FSIP1: variants seen among roughly 807,000 people sequenced by gnomAD.
FSIP1 encodes the protein fibrous sheath-interacting protein 1.
Under a neutral mutation model 60.9 loss-of-function variants are expected in FSIP1, and 65 were observed. That is an observed-to-expected ratio of 1.07 (90% CI 0.87 to 1.31). The LOEUF is 1.31. Among genes scored for constraint, FSIP1 ranks in the 40% most tolerant of loss-of-function variants. FSIP1 has a pLI of 0.00. For missense variants in FSIP1, 675 were observed against 665.5 expected (o/e 1.01, Z -0.16); for synonymous variants, 209 against 221.2 (o/e 0.94, Z 0.49).
At chr15:39,710,294 G>GA (rs1895444763) in intron 10 of FSIP1, among the ~76,000 whole-genome samples, 1 of 151,928 alleles carries the variant, frequency 6.6e-6, no homozygotes, top group African/African-American at 2.4e-5. Context: ...ACAAGCCTGG[G>GA]AAACAAGGCA....
intron 10 of FSIP1, among the ~76,000 whole-genome samples, chr15:39,689,069 C>T (rs1894495560): frequency 6.6e-6 from 1 of 152,132 alleles, no homozygotes; most frequent in Admixed American, 6.5e-5. Flanking sequence ...CAGAGGTTCC[C>T]ATGATCCACT....
chr15:39,648,500 GA>G (rs1892725258), intron 10 of FSIP1, among the ~76,000 whole-genome samples: 1 of 152,186 alleles, frequency 6.6e-6, no homozygotes, highest in Non-Finnish European at 1.5e-5. Flanking sequence ...CCGTGGTTGG[GA>G]ACCACTGACA....
chr15:39,710,924 T>C (rs1895481597), intron 10 of FSIP1, among the ~76,000 whole-genome samples: 1 of 152,252 alleles, frequency 6.6e-6, no homozygotes, highest in Non-Finnish European at 1.5e-5. Flanking sequence ...GTATTATTCT[T>C]TTCCACTTGG....
At chr15:39,770,305 TGG>T in intron 3 of FSIP1, 120 bp downstream of exon 3, 1 of 634,348 alleles carries the variant, frequency 1.6e-6, no homozygotes, top group Non-Finnish European at 2.4e-6. Context: ...GTCTTTTTTT[TGG>T]TTTATTATTT....
At chr15:39,624,336 C>G (rs982895219) in intron 10 of FSIP1, among the ~76,000 whole-genome samples, 3 of 152,326 alleles carry the variant, frequency 2.0e-5, no homozygotes, top group African/African-American at 7.2e-5. Context: ...CCAAACTTCA[C>G]TGATCTCATT....
chr15:39,781,064 G>A (rs563159723), intron 1 of FSIP1, among the ~76,000 whole-genome samples: 1 of 152,194 alleles, frequency 6.6e-6, no homozygotes, highest in Admixed American at 6.5e-5. Flanking sequence ...CCAAAGACTA[G>A]GAGCAAATAT....
At chr15:39,633,906 C>T (rs78162780) in intron 10 of FSIP1, among the ~76,000 whole-genome samples, 2,422 of 152,254 alleles carry the variant, frequency 0.016, 70 homozygotes, top group African/African-American at 0.055. Flanking sequence ...CATTCCTAAA[C>T]GATCTAAAGA....
intron 10 of FSIP1, among the ~76,000 whole-genome samples, chr15:39,662,048 G>A (rs1050588107): frequency 1.3e-5 from 2 of 152,234 alleles, no homozygotes; most frequent in African/African-American, 4.8e-5. Context: ...GGACTAACTA[G>A]AAGCAGGGCA....
intron 10 of FSIP1, among the ~76,000 whole-genome samples, chr15:39,668,318 C>T (rs1032714332): frequency 6.6e-6 from 1 of 151,982 alleles, no homozygotes; most frequent in African/African-American, 2.4e-5. Flanking sequence ...GTGAAGTCCC[C>T]TCCCCAGGTC....
At chr15:39,648,130 G>T (rs954969106) in intron 10 of FSIP1, among the ~76,000 whole-genome samples, 50 of 140,166 alleles carry the variant, frequency 3.6e-4, no homozygotes, top group African/African-American at 1.3e-3. Flanking sequence ...TAACTAACCT[G>T]CACAATGTGC....
intron 5 of FSIP1, among the ~76,000 whole-genome samples, chr15:39,749,242 C>G (rs1897090138): frequency 9.1e-6 from 1 of 109,556 alleles, no homozygotes; most frequent in African/African-American, 4.2e-5. Flanking sequence ...AGAATTAATA[C>G]CAATACTTCT....
At chr15:39,606,422 A>G (rs902109833) in intron 11 of FSIP1, among the ~76,000 whole-genome samples, 2 of 152,162 alleles carry the variant, frequency 1.3e-5, no homozygotes, top group African/African-American at 4.8e-5. Context: ...AAATCAGGTA[A>G]ATTGCATACC....
chr15:39,747,029 C>CTCCTTCCA (rs1385317209), intron 5 of FSIP1, among the ~76,000 whole-genome samples: 7 of 128,760 alleles, frequency 5.4e-5, no homozygotes, highest in East Asian at 3.0e-4. Flanking sequence ...CCCTCCTTCC[C>CTCCTTCCA]TCCTTCCCTC....
At chr15:39,715,734 TG>T (rs1257593036) in intron 9 of FSIP1, among the ~76,000 whole-genome samples, 1 of 151,710 alleles carries the variant, frequency 6.6e-6, no homozygotes, top group Admixed American at 6.6e-5. Flanking sequence ...TGGTGGGAGG[TG>T]ATTGGGTCAT....
intron 10 of FSIP1, among the ~76,000 whole-genome samples, chr15:39,668,970 G>A (rs1893610696): frequency 6.6e-6 from 1 of 152,196 alleles, no homozygotes; most frequent in Admixed American, 6.5e-5. Context: ...TTGGTCAGAT[G>A]AAGATAATGA....
At chr15:39,776,280 C>A in intron 2 of FSIP1, 119 bp downstream of exon 2, 1 of 816,144 alleles carries the variant, frequency 1.2e-6, no homozygotes. Context: ...TCTGCAAGTG[C>A]TCCCCAAACA....
At chr15:39,625,208 C>T (rs761191027) in intron 10 of FSIP1, among the ~76,000 whole-genome samples, 23 of 152,150 alleles carry the variant, frequency 1.5e-4, no homozygotes, top group Non-Finnish European at 2.5e-4. Context: ...GCTCGTCTCC[C>T]GTGGCCCAGG....
Position 39,776,497 on chromosome 15 carries a change from C to T in FSIP1, c.28G>A (p.Gly10Arg). The T allele has an allele frequency of 6.3e-7, 1 of 1,596,702 alleles. No individual in the cohort carries two copies. The highest frequency in any genetic ancestry group is 1.1e-5 in the South Asian group (1 of 90,742). The change falls in exon 2 of 12, where the codon GGA becomes AGA. Residue 10 changes from glycine (G) to arginine (R), a missense_variant. By Grantham distance (125) the Gly-to-Arg change is moderately radical. Coordinates refer to ENST00000350221, the MANE Select transcript of FSIP1 (RefSeq NM_152597.5). The part of the protein sequence containing the change: MDIIKGNLD[G>R]ISKPASNSRI... ...GAATTTGAAGCTGGTTTTGAAATTC[C>T]ATCTAGGTTTCCCTTTATAATATCC...
chr15:39,737,550 A>G (rs1056776030), intron 8 of FSIP1, among the ~76,000 whole-genome samples: 2 of 152,202 alleles, frequency 1.3e-5, no homozygotes, highest in African/African-American at 4.8e-5. Context: ...GTGATAACCA[A>G]TGTGTAAACA....
Sources: allele counts gnomAD v4.1 joint callset (sites outside exome capture counted in the v4.1 genomes callset), GRCh38; gene constraint gnomAD v4.1.1; transcripts MANE v1.5; gene names NCBI Gene and HGNC (gene_info 2026-07-23, HGNC 2026-07-21).